LYN: variants seen among roughly 807,000 people sequenced by gnomAD.
LYN encodes the protein tyrosine-protein kinase Lyn.
Under a neutral mutation model 65.0 loss-of-function variants are expected in LYN, and 12 were observed. That is an observed-to-expected ratio of 0.18 (90% confidence interval 0.12 to 0.30). LYN has a LOEUF of 0.30. LYN is among the 10% of genes least tolerant of loss of function. The probability of loss-of-function intolerance (pLI) is 1.00; values close to 1 mark genes in which losing one functional copy is unlikely to be tolerated. For synonymous variants in LYN, 222 were observed against 221.2 expected (o/e 1.00, Z -0.03); for missense variants, 380 against 623.2 (o/e 0.61, Z 4.16).
intron 1 of LYN, among the ~76,000 whole-genome samples, chr8:55,924,278 AAC>A (rs1201843024): frequency 6.6e-6 from 1 of 152,052 alleles, no homozygotes; most frequent in African/African-American, 2.4e-5. Context: ...AGGGCCTCAA[AAC>A]ACAGTTTGGG....
chr8:55,972,278 T>C (rs1807630820), intron 10 of LYN, among the ~76,000 whole-genome samples: 1 of 152,180 alleles, frequency 6.6e-6, no homozygotes, highest in South Asian at 2.1e-4. Context: ...CCATTTGAGT[T>C]CATCTTTGCT....
intron 9 of LYN, 131 bp downstream of exon 9, chr8:55,967,028 T>C: frequency 2.5e-6 from 2 of 796,822 alleles, no homozygotes; most frequent in Middle Eastern, 7.5e-4. Context: ...TCAGGAAATA[T>C]GGGAAGACAA....
intron 1 of LYN, among the ~76,000 whole-genome samples, chr8:55,881,575 C>G (rs57357972): frequency 0.018 from 2,799 of 152,280 alleles, 98 homozygotes; most frequent in African/African-American, 0.062. Context: ...TCTTTGGTGA[C>G]TGGGCCTCTT....
chr8:55,963,226 G>A (rs184887669), intron 8 of LYN, among the ~76,000 whole-genome samples: 174 of 152,356 alleles, frequency 1.1e-3, no homozygotes, highest in African/African-American at 4.1e-3. Context: ...TCTAGGGTGA[G>A]TGGGAGTGGA....
intron 6 of LYN, among the ~76,000 whole-genome samples, chr8:55,951,050 C>T (rs1230012384): frequency 6.6e-6 from 1 of 151,954 alleles, no homozygotes; most frequent in Non-Finnish European, 1.5e-5. Context: ...AGAGACCAGC[C>T]TGGGCAACAC....
At chr8:55,928,964 C>T (rs1002835007) in intron 1 of LYN, among the ~76,000 whole-genome samples, 3 of 152,060 alleles carry the variant, frequency 2.0e-5, no homozygotes, top group East Asian at 3.8e-4. Flanking sequence ...GATGTAAGAT[C>T]CGGGTCTAGA....
intron 10 of LYN, among the ~76,000 whole-genome samples, chr8:55,971,742 G>A (rs1416545396): frequency 2.0e-5 from 3 of 152,204 alleles, no homozygotes; most frequent in Non-Finnish European, 2.9e-5. Context: ...AGCTTTTAAG[G>A]TCCAAGTCAA....
At chr8:56,001,761 C>G (rs1020447774) in intron 12 of LYN, among the ~76,000 whole-genome samples, 4 of 152,100 alleles carry the variant, frequency 2.6e-5, no homozygotes, top group African/African-American at 9.7e-5. Context: ...TGTATATAAT[C>G]TGACACCTGA....
chr8:55,945,074 G>A (rs565297348), intron 2 of LYN, among the ~76,000 whole-genome samples: 3 of 152,188 alleles, frequency 2.0e-5, no homozygotes, highest in Non-Finnish European at 4.4e-5. Flanking sequence ...CAAAATGCAC[G>A]CTATGGATTG....
chr8:55,941,492 C>A (rs1434398935), intron 1 of LYN, among the ~76,000 whole-genome samples: 1 of 152,220 alleles, frequency 6.6e-6, no homozygotes, highest in Non-Finnish European at 1.5e-5. Context: ...ACTCACAGAG[C>A]ATTTCCTTTA....
rs1808800844 is a variant in LYN at position 56,011,012 on chromosome 8, AC to A, written c.*903del. 2 of 232,454 alleles carry A rather than the reference AC, an allele frequency of 8.6e-6. No individual in the cohort carries two copies. The highest frequency in any genetic ancestry group is 3.6e-4 in the South Asian group (2 of 5,524). The allele number at this position is 232,454 out of a possible 1,614,324, so 14.4% of individuals were successfully genotyped here. A position where few individuals can be genotyped will look rare whatever the true frequency, so the allele number is the denominator to read the frequency against. ...GAAGAACCTTATAGGGCCTTCTAAA[AC>A]ATAAGAGTTTCCTTTGTTGCTTCAA... On this transcript the variant is annotated 3_prime_UTR_variant, in exon 13 of 13. Coordinates refer to ENST00000519728, the MANE Select transcript of LYN (RefSeq NM_002350.4).
intron 8 of LYN, among the ~76,000 whole-genome samples, chr8:55,958,915 A>G (rs1201393598): frequency 6.6e-6 from 1 of 152,244 alleles, no homozygotes; most frequent in Non-Finnish European, 1.5e-5. Context: ...GCCACTGTGA[A>G]CATGGGTGCA....
intron 1 of LYN, among the ~76,000 whole-genome samples, chr8:55,888,115 A>C (rs763487786): frequency 6.6e-6 from 1 of 152,158 alleles, no homozygotes; most frequent in East Asian, 1.9e-4. Context: ...AGAACCTTCC[A>C]CTGCTATGTT....
intron 1 of LYN, among the ~76,000 whole-genome samples, chr8:55,894,460 C>T (rs1585569152): frequency 6.6e-6 from 1 of 152,036 alleles, no homozygotes; most frequent in South Asian, 2.1e-4. Context: ...GCCTCAACCT[C>T]CTGGGCTCCA....
intron 10 of LYN, among the ~76,000 whole-genome samples, chr8:55,984,753 C>G (rs1808027857): frequency 6.6e-6 from 1 of 152,242 alleles, no homozygotes; most frequent in South Asian, 2.1e-4. Context: ...TCACTCTCAG[C>G]CCTCCAGTTC....
intron 12 of LYN, among the ~76,000 whole-genome samples, chr8:56,008,091 C>T (rs1808718991): frequency 6.8e-6 from 1 of 146,544 alleles, no homozygotes. Context: ...TGCACTCCAG[C>T]CTAGGTGAAA....
chr8:55,932,394 A>C (rs1806296612), intron 1 of LYN, among the ~76,000 whole-genome samples: 1 of 146,356 alleles, frequency 6.8e-6, no homozygotes, highest in South Asian at 2.1e-4. Context: ...AAATCTTTTA[A>C]AACAATTATA....
intron 1 of LYN, among the ~76,000 whole-genome samples, chr8:55,904,655 C>G (rs559593324): frequency 7.2e-5 from 11 of 152,154 alleles, no homozygotes; most frequent in African/African-American, 2.4e-4. Flanking sequence ...GAGGCTGAGG[C>G]AGGAGAATTG....
intron 1 of LYN, among the ~76,000 whole-genome samples, chr8:55,886,631 GA>G (rs377651953): frequency 6.4e-4 from 98 of 152,292 alleles, no homozygotes; most frequent in South Asian, 2.5e-3. Context: ...AAACAAAATA[GA>G]AAAAGGAAAA....
Sources: allele counts gnomAD v4.1 joint callset (sites outside exome capture counted in the v4.1 genomes callset), GRCh38; gene constraint gnomAD v4.1.1; transcripts MANE v1.5; gene names NCBI Gene and HGNC (gene_info 2026-07-23, HGNC 2026-07-21).